The following DLGAP1 variants were observed in gnomAD, a reference collection of about 807,000 sequenced individuals.
DLGAP1 encodes disks large-associated protein 1.
DLGAP1 carries 11 observed loss-of-function variants against 90.8 expected under a neutral mutation model. That is an observed-to-expected ratio of 0.12 (90% CI 0.08 to 0.20). The LOEUF (loss-of-function observed/expected upper bound fraction) is 0.20, where lower values mean the gene tolerates loss of function less well. Ranked by LOEUF, DLGAP1 falls within the 10% of genes least tolerant of loss-of-function variation. The probability of loss-of-function intolerance (pLI) is 1.00; values close to 1 mark genes in which losing one functional copy is unlikely to be tolerated. For synonymous variants in DLGAP1, 558 were observed against 540.7 expected (o/e 1.03, Z -0.44); for missense variants, 1,050 against 1,333.8 (o/e 0.79, Z 3.31).
chr18:3,563,298 T>C (rs2054248612), intron 9 of DLGAP1, among the ~76,000 whole-genome samples: 2 of 152,174 alleles, frequency 1.3e-5, no homozygotes, highest in Admixed American at 6.5e-5. Flanking sequence ...CTGAGCTTCC[T>C]GAATCTGAGG....
chr18:4,317,109 G>A (rs547990581), intron 1 of DLGAP1, among the ~76,000 whole-genome samples: 8 of 152,056 alleles, frequency 5.3e-5, no homozygotes, highest in Non-Finnish European at 1.0e-4. Flanking sequence ...ATATTTCCAC[G>A]CAAAATGTGA....
intron 5 of DLGAP1, among the ~76,000 whole-genome samples, chr18:3,804,482 A>T (rs1430014063): frequency 6.6e-6 from 1 of 152,180 alleles, no homozygotes; most frequent in African/African-American, 2.4e-5. Context: ...CTGCGTGGAT[A>T]TTTTTAACAT....
At chr18:3,948,157 C>A (rs772439590) in intron 3 of DLGAP1, among the ~76,000 whole-genome samples, 1 of 151,734 alleles carries the variant, frequency 6.6e-6, no homozygotes, top group Non-Finnish European at 1.5e-5. Flanking sequence ...CAAGACCCAG[C>A]TAGTGCTTTG....
chr18:4,104,278 C>T (rs575660956), intron 2 of DLGAP1, among the ~76,000 whole-genome samples: 17 of 152,060 alleles, frequency 1.1e-4, no homozygotes, highest in Non-Finnish European at 1.9e-4. Flanking sequence ...ATTATTTTAG[C>T]GAATTTTGGT....
chr18:3,574,765 C>A (rs2055006859), intron 8 of DLGAP1, among the ~76,000 whole-genome samples: 1 of 151,012 alleles, frequency 6.6e-6, no homozygotes, highest in Admixed American at 6.6e-5. Flanking sequence ...ATTATGAATC[C>A]AAGATAATGT....
intron 1 of DLGAP1, among the ~76,000 whole-genome samples, chr18:4,265,649 C>T (rs1398229240): frequency 2.1e-5 from 1 of 48,370 alleles, no homozygotes; most frequent in East Asian, 7.1e-4. Context: ...CCTTCCCTCC[C>T]TCCCTCCCTC....
chr18:3,601,521 G>A (rs1398090430), intron 7 of DLGAP1, among the ~76,000 whole-genome samples: 1 of 151,716 alleles, frequency 6.6e-6, no homozygotes, highest in Non-Finnish European at 1.5e-5. Context: ...GCTACCCTCA[G>A]GCTACAGTTC....
At chr18:4,101,047 C>T (rs1361919288) in intron 2 of DLGAP1, among the ~76,000 whole-genome samples, 4 of 152,188 alleles carry the variant, frequency 2.6e-5, no homozygotes, top group African/African-American at 9.7e-5. Context: ...TGGGGCAGCA[C>T]TTTTAATTTC....
chr18:3,824,081 G>C (rs1356914309), intron 4 of DLGAP1, among the ~76,000 whole-genome samples: 1 of 151,718 alleles, frequency 6.6e-6, no homozygotes, highest in Non-Finnish European at 1.5e-5. Context: ...TCATTTTCTG[G>C]TGTATTGGAG....
chr18:3,844,548 G>C (rs567650664), intron 4 of DLGAP1, among the ~76,000 whole-genome samples: 1 of 152,314 alleles, frequency 6.6e-6, no homozygotes, highest in African/African-American at 2.4e-5. Flanking sequence ...GTCTCAGAGA[G>C]AGCTGATGGT....
intron 1 of DLGAP1, among the ~76,000 whole-genome samples, chr18:4,358,537 G>A (rs2144073095): frequency 6.6e-6 from 1 of 152,344 alleles, no homozygotes; most frequent in East Asian, 1.9e-4. Flanking sequence ...GTGACCTCAA[G>A]TAAGGAGTTC....
chr18:3,814,961 C>A (rs1323347131), intron 4 of DLGAP1, among the ~76,000 whole-genome samples: 1 of 152,134 alleles, frequency 6.6e-6, no homozygotes, highest in African/African-American at 2.4e-5. Flanking sequence ...TGAATATGTA[C>A]AAATCCACGT....
intron 1 of DLGAP1, among the ~76,000 whole-genome samples, chr18:4,330,065 A>C (rs926461025): frequency 6.6e-6 from 1 of 151,968 alleles, no homozygotes; most frequent in African/African-American, 2.4e-5. Flanking sequence ...GCTTTTCAAC[A>C]TTTACCACTT....
chr18:4,410,937 C>G (rs2082764239), intron 1 of DLGAP1, among the ~76,000 whole-genome samples: 1 of 152,144 alleles, frequency 6.6e-6, no homozygotes, highest in Non-Finnish European at 1.5e-5. Flanking sequence ...AAGGCTCATG[C>G]CTGACTTCCT....
At chr18:4,248,559 G>A (rs1322074137) in intron 1 of DLGAP1, 1 of 152,234 alleles carries the variant, frequency 6.6e-6, no homozygotes, top group Admixed American at 6.5e-5. Context: ...ATTTAGACAC[G>A]TGGACTTACC....
intron 3 of DLGAP1, among the ~76,000 whole-genome samples, chr18:3,985,754 G>T (rs1018525630): frequency 2.6e-5 from 4 of 152,008 alleles, no homozygotes. Flanking sequence ...AAAAATAGTT[G>T]TGCTCTATAA....
chr18:3,537,091 A>G (rs1385715596), intron 9 of DLGAP1, among the ~76,000 whole-genome samples: 1 of 152,158 alleles, frequency 6.6e-6, no homozygotes, highest in African/African-American at 2.4e-5. Flanking sequence ...ATTATGATAA[A>G]ATATACATAA....
Position 4,026,860 on chromosome 18 carries a change from G to T in DLGAP1, c.-158-21659C>A, listed in dbSNP as rs377431756. On this transcript the variant is annotated intron_variant, in intron 2 of 12. Transcript: ENST00000315677. The stretch of plus-strand genomic sequence containing the variant: ...GCGACTTTCTGATTTAGCCTGACAG[G>T]ATTGTTCCTTTCCAAGGTTTAGGCA... Among the ~76,000 whole-genome samples the T allele has an allele frequency of 6.1e-4, 93 of 152,300 alleles. 1 individual carries two copies. The South Asian group carries it at 0.019, about 31-fold the overall frequency.
intron 2 of DLGAP1, among the ~76,000 whole-genome samples, chr18:4,124,839 C>G (rs1234813949): frequency 6.6e-6 from 1 of 152,126 alleles, no homozygotes; most frequent in Non-Finnish European, 1.5e-5. Context: ...AGAGAAAGGC[C>G]ATGCATACAT....
Sources: gnomAD v4.1 joint callset for allele counts (sites outside exome capture counted in the v4.1 genomes callset) on GRCh38, gnomAD v4.1.1 for gene constraint, MANE v1.5 for transcripts, NCBI Gene and HGNC (gene_info 2026-07-23, HGNC 2026-07-21) for gene names.